ALKBH8: variants seen among roughly 807,000 people sequenced by gnomAD.
ALKBH8 encodes tRNA (carboxymethyluridine(34)-5-O)-methyltransferase ALKBH8.
Under a neutral mutation model 59.8 loss-of-function variants are expected in ALKBH8, and 36 were observed. The ratio of observed to expected loss-of-function variants is 0.60; its 90% CI spans 0.46 to 0.79. The LOEUF (loss-of-function observed/expected upper bound fraction) is 0.79. Ranked by LOEUF, ALKBH8 falls within the 30% of genes least tolerant of loss-of-function variation. ALKBH8 has a pLI of 0.00. For synonymous variants in ALKBH8, 276 were observed against 273.6 expected (o/e 1.01, Z -0.09); for missense variants, 768 against 801.0 (o/e 0.96, Z 0.50).
chr11:107,553,135 C>A lies in ALKBH8; in HGVS notation c.568G>T (p.Val190Leu), dbSNP rs760515939. Reference sequence around the variant, plus strand: ...CCAGATAATGGCTTATCTTTATCTACATTGTTGTTCTCATAGTGGAACTCA... The same window carrying A: ...CCAGATAATGGCTTATCTTTATCTAAATTGTTGTTCTCATAGTGGAACTCA... ...GYEFHYENNNVDKDKPLSGGL... is the reference protein window; with the variant it reads ...GYEFHYENNNLDKDKPLSGGL... Residue 190 changes from valine (V) to leucine (L), a missense_variant, in exon 5 of 12, where the codon GTA becomes TTA. Transcript: ENST00000428149. 6.2e-7 allele frequency: 1 copy of A among 1,605,816 alleles called. No individual in the cohort carries two copies. The highest frequency in any genetic ancestry group is 1.3e-5 in the African/African-American group (1 of 74,580).
At chr11:107,533,987 G>A (rs1045928267) in intron 7 of ALKBH8, among the ~76,000 whole-genome samples, 16 of 152,082 alleles carry the variant, frequency 1.1e-4, no homozygotes, top group African/African-American at 3.4e-4. Context: ...AACATTAGCC[G>A]GGCATAGTGG....
intron 10 of ALKBH8, among the ~76,000 whole-genome samples, chr11:107,517,435 A>C (rs1482310351): frequency 6.6e-6 from 1 of 152,234 alleles, no homozygotes; most frequent in Non-Finnish European, 1.5e-5. Flanking sequence ...AAAGAAAATG[A>C]AATCGGTAGG....
chr11:107,517,991 A>T (rs1413954849), intron 10 of ALKBH8, among the ~76,000 whole-genome samples: 2 of 152,222 alleles, frequency 1.3e-5, no homozygotes, highest in Non-Finnish European at 2.9e-5. Flanking sequence ...ATGTATATAT[A>T]CTTTAAAACA....
At chr11:107,532,515 C>CATA in intron 7 of ALKBH8, 109 bp from the exon 8 acceptor site, 1 of 819,948 alleles carries the variant, frequency 1.2e-6, no homozygotes, top group East Asian at 2.7e-5. Context: ...GAGATTAAAA[C>CATA]ATAATAATGC....
At chr11:107,521,134 C>T (rs1290862017) in intron 10 of ALKBH8, among the ~76,000 whole-genome samples, 3 of 152,126 alleles carry the variant, frequency 2.0e-5, no homozygotes, top group African/African-American at 7.2e-5. Flanking sequence ...CTGGAACTAA[C>T]TCCCCACAGA....
chr11:107,565,470 T>C, intron 1 of ALKBH8, 131 bp downstream of exon 1: 1 of 1,343,558 alleles, frequency 7.4e-7, no homozygotes, highest in South Asian at 1.4e-5. Context: ...CAAGGGCGCC[T>C]CTGGGATCCA....
chr11:107,509,575 TACA>T (rs144059798), intron 11 of ALKBH8, among the ~76,000 whole-genome samples: 3,481 of 152,238 alleles, frequency 0.023, 131 homozygotes, highest in African/African-American at 0.079. Context: ...CATTGCCAAA[TACA>T]ACGTCATGAA....
chr11:107,553,219 A>G lies in ALKBH8; in HGVS notation c.500-16T>C, dbSNP rs1444322448. On this transcript the variant is annotated splice_polypyrimidine_tract_variant and intron_variant, in intron 4 of 11. Transcript: ENST00000428149. ...GATTTTTGAGCTGTGTGAAGAGAAC[A>G]AAGTAAACAATTAAGAAGGAAAAGA... 5.4e-6 allele frequency: 8 copies of G among 1,494,038 alleles called. No homozygotes were observed. The highest frequency in any genetic ancestry group is 7.3e-6 in the Non-Finnish European group (8 of 1,092,840). 92.5% of individuals were successfully genotyped at this position (1,494,038 alleles called of 1,614,324 possible).
At chr11:107,543,102 G>C (rs1591303642) in intron 7 of ALKBH8, among the ~76,000 whole-genome samples, 1 of 152,102 alleles carries the variant, frequency 6.6e-6, no homozygotes, top group East Asian at 1.9e-4. Context: ...TTGGATATAG[G>C]CCAAGGCGGG....
intron 10 of ALKBH8, among the ~76,000 whole-genome samples, chr11:107,521,466 A>C (rs1863108082): frequency 6.6e-6 from 1 of 152,248 alleles, no homozygotes; most frequent in Admixed American, 6.5e-5. Flanking sequence ...AAAGATGAGA[A>C]GTAATCTGAC....
In ALKBH8 at chr11:107,556,787, A is replaced by G. The variant is rs1864732337; in HGVS notation, c.346T>C (p.Tyr116His). The change falls in exon 3 of 12, where the codon TAT (tyrosine) becomes CAT (histidine). Residue 116 changes from tyrosine to histidine, a missense_variant. Transcript: ENST00000428149. The stretch of plus-strand genomic sequence containing the variant: ...ATACCTTTTTCCACAAAATTCAAAT[A>G]CAGAGTGATCTTTTGTCCTAAATCA... ...VDDLGQKITL[Y>H]LNFVEKVQWK... is the part of the protein sequence containing the mutation. 2.9e-6 allele frequency: 4 copies of G among 1,402,568 alleles called. No individual in the cohort carries two copies. Among genetic ancestry groups the G allele is most frequent in the Non-Finnish European group, 3.7e-6 (4 of 1,068,398 alleles). The allele number at this position is 1,402,568 out of a possible 1,614,324, so 86.9% of individuals were successfully genotyped here.
At chr11:107,545,170 A>C (rs1450909432) in intron 7 of ALKBH8, among the ~76,000 whole-genome samples, 1 of 152,174 alleles carries the variant, frequency 6.6e-6, no homozygotes, top group Admixed American at 6.5e-5. Context: ...TTGAGGTTGG[A>C]GATGAAGCCA....
chr11:107,535,796 G>A (rs1015685841), intron 7 of ALKBH8, among the ~76,000 whole-genome samples: 3 of 152,028 alleles, frequency 2.0e-5, no homozygotes, highest in African/African-American at 4.8e-5. Context: ...AGAGTTCACC[G>A]AGACTCAGAG....
chr11:107,531,629 A>T lies in ALKBH8; in HGVS notation c.878+671T>A, dbSNP rs1040149550. Among the ~76,000 whole-genome samples the T allele has an allele frequency of 1.3e-5, 2 of 152,234 alleles. 1 individual carries two copies. Among genetic ancestry groups the T allele is most frequent in the African/African-American group, 4.8e-5 (2 of 41,460 alleles). ...GCAATATTTGAATATGGATTGTATA[A>T]GAGTATAATAAGAGTATTTTATCAA... On this transcript the variant is annotated intron_variant, in intron 8 of 11. Transcript: ENST00000428149.
At position 107,505,007 on chromosome 11, in the gene ALKBH8, C is replaced by T. The variant is rs753153965; in HGVS notation, c.1646G>A (p.Gly549Asp). The change falls in exon 12 of 12, where the codon GGC (glycine) becomes GAC (aspartate). Residue 549 changes from glycine to aspartate, a missense_variant. Transcript: ENST00000428149. Reference protein sequence around the residue: ...RSLVEQMRDMGSRDSASSVPR... With the variant: ...RSLVEQMRDMDSRDSASSVPR... The stretch of plus-strand genomic sequence containing the variant: ...GACAGAAGATGCCGAGTCTCGACTG[C>T]CCATGTCACGCATTTGCTCCACAAG... 3.4e-5 allele frequency: 53 copies of T among 1,551,586 alleles called. No homozygotes were observed. Among genetic ancestry groups the T allele is most frequent in the Non-Finnish European group, 3.0e-5 (34 of 1,146,936 alleles).
At chr11:107,514,855 A>G (rs1862794639) in intron 10 of ALKBH8, among the ~76,000 whole-genome samples, 1 of 152,176 alleles carries the variant, frequency 6.6e-6, no homozygotes, top group Non-Finnish European at 1.5e-5. Context: ...AGGGCTCGAT[A>G]GTTACTCAAA....
At chr11:107,560,677 G>T in intron 2 of ALKBH8, 88 bp downstream of exon 2, 6 of 1,284,468 alleles carry the variant, frequency 4.7e-6, no homozygotes, top group Non-Finnish European at 6.4e-6. Flanking sequence ...AACAATTACA[G>T]CCTTAGGCAA....
intron 2 of ALKBH8, among the ~76,000 whole-genome samples, chr11:107,558,947 C>G (rs1864823619): frequency 6.6e-6 from 1 of 152,116 alleles, no homozygotes; most frequent in Admixed American, 6.5e-5. Context: ...GTGTCCCCAC[C>G]CAAATCTCAT....
At chr11:107,522,201 G>T in intron 10 of ALKBH8, 98 bp downstream of exon 10, 1 of 1,359,262 alleles carries the variant, frequency 7.4e-7, no homozygotes, top group Non-Finnish European at 9.8e-7. Flanking sequence ...TAACTTTCTG[G>T]CAATGATCTA....
Sources: allele counts gnomAD v4.1 joint callset (sites outside exome capture counted in the v4.1 genomes callset), GRCh38; gene constraint gnomAD v4.1.1; transcripts MANE v1.5; gene names NCBI Gene and HGNC (gene_info 2026-07-23, HGNC 2026-07-21).